The following TEX35 variants were observed in gnomAD, a reference collection of about 807,000 sequenced individuals.
TEX35 encodes testis-expressed protein 35.
In TEX35, 26 loss-of-function variants were observed where a neutral mutation model predicts 31.9. The observed-to-expected ratio is 0.81, with a 90% CI of 0.60 to 1.13. The LOEUF is 1.13. Ranked by LOEUF, TEX35 falls within the 50% of genes most tolerant of loss-of-function variation. TEX35 has a pLI of 0.00. For synonymous variants in TEX35, 87 were observed against 90.7 expected, an observed-to-expected ratio of 0.96 and a Z score of 0.23; for missense variants, 278 against 273.5, an observed-to-expected ratio of 1.02 and a Z score of -0.12.
chr1:178,514,639 T>C, intron 2 of TEX35, 61 bp from the exon 3 acceptor site: 1 of 1,522,784 alleles, frequency 6.6e-7, no homozygotes, highest in Non-Finnish European at 9.1e-7. Context: ...CTCTTCTGCC[T>C]CTGCACTTCC....
chr1:178,523,151 A>G (rs1205678723), downstream of TEX35: 2 of 507,626 alleles, frequency 3.9e-6, no homozygotes, highest in Non-Finnish European at 7.1e-6. Context: ...TTATGGCTGA[A>G]TAGAACTCAA....
In TEX35 at chr1:178,515,817, G is replaced by T. The variant is rs1369128679; in HGVS notation, c.160-42G>T. The T allele has an allele frequency of 3.3e-6, 5 of 1,528,720 alleles. No individual in the cohort carries two copies. The African/African-American group carries it at 5.5e-5, about 17-fold the overall frequency. 94.7% of individuals were successfully genotyped at this position (1,528,720 alleles called of 1,614,324 possible). A position where few individuals can be genotyped will look rare whatever the true frequency, so the allele number is the denominator to read the frequency against. ...TGTTGATGGTTTCCCCTCCATCCTAGATATTTCTTTCCTCCTTCTCTTCTC... is the reference window on the plus strand; with the variant it reads ...TGTTGATGGTTTCCCCTCCATCCTATATATTTCTTTCCTCCTTCTCTTCTC... On this transcript the variant is annotated intron_variant, in intron 3 of 8. Coordinates refer to ENST00000319416, the MANE Select transcript of TEX35 (RefSeq NM_032126.5).
chr1:178,520,452 A>T lies in TEX35; in HGVS notation c.341+16A>T. On this transcript the variant is annotated intron_variant, in intron 6 of 8. Transcript: ENST00000319416. ...ACTATAAGCTGTAAGTGTAACCTGC[A>T]CTCGTCTCTCCTCATCCCTAAAGGG... 6.2e-7 allele frequency: 1 copy of T among 1,614,016 alleles called. No homozygotes were observed. Among genetic ancestry groups the T allele is most frequent in the East Asian group, 2.2e-5 (1 of 44,878 alleles).
chr1:178,520,245 C>A, intron 5 of TEX35, 127 bp from the exon 6 acceptor site: 1 of 901,914 alleles, frequency 1.1e-6, no homozygotes, highest in Non-Finnish European at 1.7e-6. Flanking sequence ...CTCCAAAAGC[C>A]ACCTCACCCA....
chr1:178,513,679 T>C (rs144321974), intron 1 of TEX35, among the ~76,000 whole-genome samples: 1 of 152,372 alleles, frequency 6.6e-6, no homozygotes, highest in African/African-American at 2.4e-5. Flanking sequence ...GAGACTATAG[T>C]GCAAATCTGC....
At chr1:178,522,229 C>T in intron 8 of TEX35, 96 bp from the exon 9 acceptor site, 1 of 1,455,958 alleles carries the variant, frequency 6.9e-7, no homozygotes, top group Non-Finnish European at 9.1e-7. Context: ...ACTCAGGTCC[C>T]TGCTGCTCAT....
At chr1:178,519,913 T>C (rs541172674) in intron 5 of TEX35, among the ~76,000 whole-genome samples, 66 of 152,212 alleles carry the variant, frequency 4.3e-4, no homozygotes, top group Non-Finnish European at 8.5e-4. Flanking sequence ...TCATTTTACT[T>C]TTTGTTGACC....
At chr1:178,516,593 C>A (rs2101895073) in intron 4 of TEX35, 22 bp from the exon 5 acceptor site, 1 of 1,608,142 alleles carries the variant, frequency 6.2e-7, no homozygotes, top group Non-Finnish European at 8.5e-7. Context: ...CTTTGTCAAG[C>A]CATGCCTTTC....
At chr1:178,518,078 G>C (rs1650144383) in intron 5 of TEX35, among the ~76,000 whole-genome samples, 1 of 151,974 alleles carries the variant, frequency 6.6e-6, no homozygotes, top group Admixed American at 6.6e-5. Context: ...GAACTAAGTA[G>C]GAAAATAGAC....
chr1:178,521,265 G>T lies in TEX35; in HGVS notation c.586+1G>T, dbSNP rs533799319. On this transcript the variant is annotated splice_donor_variant, in intron 8 of 8. Coordinates refer to ENST00000319416, the MANE Select transcript of TEX35 (RefSeq NM_032126.5). LOFTEE classifies it high-confidence loss of function. ...GCTCTAAAGAACAACTACAATCGGG[G>T]TAGGTAGATTCATACAAGATGTGCC... 2 of 1,614,234 alleles carry T rather than the reference G, an allele frequency of 1.2e-6. No homozygotes were observed. The highest frequency in any genetic ancestry group is 3.3e-5 in the Admixed American group (2 of 60,028).
downstream of TEX35, chr1:178,523,371 C>T: frequency 1.5e-6 from 1 of 666,736 alleles, no homozygotes; most frequent in Non-Finnish European, 2.7e-6. Flanking sequence ...GAACAACCTC[C>T]AAACTGTTCT....
At chr1:178,515,438 G>A (rs1480872688) in intron 3 of TEX35, among the ~76,000 whole-genome samples, 2 of 151,952 alleles carry the variant, frequency 1.3e-5, no homozygotes, top group African/African-American at 2.4e-5. Context: ...GATCACTTAT[G>A]TTGTGGGATA....
rs546816739 is a variant in TEX35, at chr1:178,513,438, C to T, written c.39+211C>T. On this transcript the variant is annotated intron_variant, in intron 1 of 8. Transcript: ENST00000319416. ...GAAGGAAAGAGGCCTCTGCTGCCTC[C>T]CTCTGGGGATGAGGAGCACTGCCAA... Among the ~76,000 whole-genome samples the T allele has an allele frequency of 2.6e-5, 4 of 152,372 alleles. No individual in the cohort carries two copies. In the East Asian group the frequency reaches 7.7e-4, roughly 29 times the overall value.
intron 5 of TEX35, 66 bp downstream of exon 5, chr1:178,516,740 C>G: frequency 8.8e-7 from 1 of 1,131,280 alleles, no homozygotes; most frequent in Admixed American, 2.2e-5. Context: ...GAGACACCAG[C>G]AGACCCTGCC....
At chr1:178,515,002 G>C (rs73040007) in intron 3 of TEX35, among the ~76,000 whole-genome samples, 8,978 of 152,282 alleles carry the variant, frequency 0.059, 907 homozygotes, top group African/African-American at 0.2. Flanking sequence ...ACGTTTTCTG[G>C]TCTAGGGTCT....
rs187831526 is a variant in TEX35, at chr1:178,521,281, A to C, written c.586+17A>C. 6.8e-6 allele frequency: 11 copies of C among 1,614,112 alleles called. No homozygotes were observed. The African/African-American group carries it at 1.3e-4, about 20-fold the overall frequency. On this transcript the variant is annotated intron_variant, in intron 8 of 8. Coordinates refer to ENST00000319416, the MANE Select transcript of TEX35 (RefSeq NM_032126.5). ...ACAATCGGGGTAGGTAGATTCATAC[A>C]AGATGTGCCTTTTCTCGATCAGGTG...
At chr1:178,513,937 CA>C (rs1649970266) in intron 1 of TEX35, 89 bp from the exon 2 acceptor site, 5 of 1,470,596 alleles carry the variant, frequency 3.4e-6, no homozygotes, top group African/African-American at 1.4e-5. Flanking sequence ...TTGTGGGGGG[CA>C]GGGGGCAGGG....
chr1:178,514,886 C>G, intron 3 of TEX35, 118 bp downstream of exon 3: 1 of 813,622 alleles, frequency 1.2e-6, no homozygotes, highest in Non-Finnish European at 2.0e-6. Flanking sequence ...AGGCACAGTG[C>G]AATTATCAAA....
At chr1:178,519,478 AG>A (rs1250551940) in intron 5 of TEX35, among the ~76,000 whole-genome samples, 1 of 152,168 alleles carries the variant, frequency 6.6e-6, no homozygotes, top group Non-Finnish European at 1.5e-5. Context: ...TTTTGGACCT[AG>A]GGGACATTGA....
Sources: gnomAD v4.1 joint callset for allele counts (sites outside exome capture counted in the v4.1 genomes callset) on GRCh38, gnomAD v4.1.1 for gene constraint, MANE v1.5 for transcripts, NCBI Gene and HGNC (gene_info 2026-07-23, HGNC 2026-07-21) for gene names.